RYR3: variants seen among roughly 807,000 people sequenced by gnomAD.
RYR3 encodes the protein ryanodine receptor 3, also known as brain ryanodine receptor-calcium release channel.
A neutral mutation model predicts 584.3 loss-of-function variants in RYR3; 207 were observed. The observed-to-expected ratio is 0.35, with a 90% CI of 0.32 to 0.40. The LOEUF is 0.40. RYR3 is among the 10% of genes least tolerant of loss of function. The probability of loss-of-function intolerance (pLI) is 1.00; values close to 1 mark genes in which losing one functional copy is unlikely to be tolerated. For missense variants in RYR3, 5,616 were observed against 6,089.2 expected (o/e 0.92, Z 2.59); for synonymous variants, 2,416 against 2,248.5 (o/e 1.07, Z -2.11).
At chr15:33,367,356 C>G (rs182217455) in intron 1 of RYR3, among the ~76,000 whole-genome samples, 6 of 152,292 alleles carry the variant, frequency 3.9e-5, no homozygotes, top group Admixed American at 6.5e-5. Flanking sequence ...CCTCCCTGCT[C>G]TTGCCCATTT....
intron 1 of RYR3, among the ~76,000 whole-genome samples, chr15:33,356,450 C>T (rs1321517610): frequency 1.3e-5 from 2 of 152,130 alleles, no homozygotes; most frequent in Non-Finnish European, 2.9e-5. Context: ...TTACAGTCTG[C>T]CACTTTGCAG....
chr15:33,604,359 A>G (rs898440540), intron 18 of RYR3, among the ~76,000 whole-genome samples: 1 of 152,214 alleles, frequency 6.6e-6, no homozygotes, highest in African/African-American at 2.4e-5. Context: ...CCTCATGCCA[A>G]TGATGAAGTC....
chr15:33,632,512 T>C (rs2061319773), intron 23 of RYR3, among the ~76,000 whole-genome samples: 1 of 152,244 alleles, frequency 6.6e-6, no homozygotes, highest in African/African-American at 2.4e-5. Flanking sequence ...CTTTACTTTT[T>C]GACTGAGTGA....
intron 1 of RYR3, among the ~76,000 whole-genome samples, chr15:33,435,500 A>C (rs952320124): frequency 2.0e-5 from 3 of 152,204 alleles, no homozygotes. Flanking sequence ...CTACTGTAAT[A>C]AACATTCTTA....
chr15:33,573,597 A>G (rs1260640704), intron 12 of RYR3, among the ~76,000 whole-genome samples: 1 of 152,252 alleles, frequency 6.6e-6, no homozygotes, highest in Non-Finnish European at 1.5e-5. Context: ...ACCTTAGAAG[A>G]GAGACAACAA....
intron 27 of RYR3, among the ~76,000 whole-genome samples, chr15:33,642,658 G>A (rs2061895184): frequency 6.6e-6 from 1 of 152,136 alleles, no homozygotes; most frequent in South Asian, 2.1e-4. Flanking sequence ...ATTTCCAAAG[G>A]TTCTTTATTT....
At chr15:33,488,631 T>A (rs752379642) in intron 2 of RYR3, among the ~76,000 whole-genome samples, 26 of 152,108 alleles carry the variant, frequency 1.7e-4, no homozygotes, top group Non-Finnish European at 3.5e-4. Flanking sequence ...GGCGGGCAGA[T>A]CACAAGGTCA....
At chr15:33,816,680 G>A (rs1182637252) in intron 74 of RYR3, among the ~76,000 whole-genome samples, 182 bp from the exon 75 acceptor site, 2 of 152,164 alleles carry the variant, frequency 1.3e-5, no homozygotes, top group Admixed American at 6.5e-5. Context: ...TTCAAGACTC[G>A]TCATGGTAGA....
chr15:33,585,386 G>T (rs1236247201), intron 15 of RYR3, among the ~76,000 whole-genome samples: 2 of 152,116 alleles, frequency 1.3e-5, no homozygotes, highest in African/African-American at 4.8e-5. Context: ...ATATTACCGT[G>T]TATGTGCCAG....
At chr15:33,663,450 G>A in intron 35 of RYR3, 87 bp from the exon 36 acceptor site, 1 of 1,135,592 alleles carries the variant, frequency 8.8e-7, no homozygotes, top group Non-Finnish European at 1.3e-6. Context: ...CTTTGTCTAA[G>A]TCTCAGTGCT....
Position 33,662,601 on chromosome 15 carries a change from C to G in RYR3, c.5071C>G (p.Leu1691Val), listed in dbSNP as rs770231760. 1 of 1,613,986 alleles carries G rather than the reference C, an allele frequency of 6.2e-7. No individual in the cohort carries two copies. The highest frequency in any genetic ancestry group is 8.5e-7 in the Non-Finnish European group (1 of 1,179,898). Residue 1691 changes from leucine to valine, a missense_variant, in exon 35 of 104, where the codon CTC becomes GTC. Leu to Val is a conservative substitution (Grantham distance 32). Around this residue, in one of 9 missense-constraint regions of RYR3, gnomAD observed 753 missense variants for 741.0 expected, o/e 1.02. Transcript: ENST00000634891. ...KQSPEIPLES[L>V]RTKALSMLTE... is the part of the protein sequence containing the mutation. ...GAGCCCCGAGATTCCCTTGGAGAGT[C>G]TCAGGACGAAGGCTCTGAGTATGCT...
chr15:33,846,027 G>A (rs2078703743), intron 93 of RYR3, among the ~76,000 whole-genome samples: 1 of 152,228 alleles, frequency 6.6e-6, no homozygotes. Flanking sequence ...ATGCCTGGCA[G>A]CTCCACAGGG....
At chr15:33,764,002 A>G (rs2072768511) in intron 60 of RYR3, among the ~76,000 whole-genome samples, 1 of 151,622 alleles carries the variant, frequency 6.6e-6, no homozygotes, top group Admixed American at 6.6e-5. Flanking sequence ...TAGTTCAACC[A>G]TTGTGGAATA....
chr15:33,501,012 T>C (rs542816561), intron 2 of RYR3, among the ~76,000 whole-genome samples: 6 of 152,266 alleles, frequency 3.9e-5, no homozygotes, highest in African/African-American at 1.2e-4. Flanking sequence ...TATTTCCAAG[T>C]ACAGAGAGTC....
intron 51 of RYR3, 23 bp downstream of exon 51, chr15:33,740,018 G>A: frequency 1.2e-6 from 2 of 1,610,794 alleles, no homozygotes; most frequent in South Asian, 2.2e-5. Context: ...TCATCTCTGA[G>A]CTGGTGCTGT....
intron 63 of RYR3, 48 bp downstream of exon 63, chr15:33,772,206 G>A (rs948334875): frequency 8.0e-7 from 1 of 1,244,172 alleles, no homozygotes; most frequent in South Asian, 1.3e-5. Flanking sequence ...CATGGCCCCA[G>A]ATAGGAGGTG....
chr15:33,668,222 C>T (rs1566915670), intron 36 of RYR3, among the ~76,000 whole-genome samples: 1 of 151,492 alleles, frequency 6.6e-6, no homozygotes, highest in Non-Finnish European at 1.5e-5. Context: ...GAGGCTGAGG[C>T]AGGAGAATGG....
chr15:33,340,447 C>G (rs1368350979), intron 1 of RYR3, among the ~76,000 whole-genome samples: 2 of 152,186 alleles, frequency 1.3e-5, no homozygotes, highest in African/African-American at 2.4e-5. Flanking sequence ...GCGTGTTAGC[C>G]TGCTAGGGAT....
chr15:33,849,601 C>G (rs2078958022), intron 94 of RYR3: 2 of 152,146 alleles, frequency 1.3e-5, no homozygotes, highest in African/African-American at 4.8e-5. Flanking sequence ...AAGTAAGTGA[C>G]AGTTTCAAGA....
Sources: allele counts gnomAD v4.1 joint callset (sites outside exome capture counted in the v4.1 genomes callset), GRCh38; gene constraint gnomAD v4.1.1; regional missense constraint gnomAD v4.1.1; transcripts MANE v1.5; gene names NCBI Gene and HGNC (gene_info 2026-07-23, HGNC 2026-07-21).